ART3: variants seen among roughly 807,000 people sequenced by gnomAD.
ART3 encodes ecto-ADP-ribosyltransferase 3.
A neutral mutation model predicts 48.5 loss-of-function variants in ART3; 49 were observed. That is an observed-to-expected ratio of 1.01 (90% confidence interval 0.80 to 1.28). The LOEUF (loss-of-function observed/expected upper bound fraction) is 1.28, where lower values mean the gene tolerates loss of function less well. ART3 is among the 50% of genes most tolerant of loss of function. The probability of loss-of-function intolerance (pLI) is 0.00; values close to 1 mark genes in which losing one functional copy is unlikely to be tolerated. For missense variants in ART3, 438 were observed against 454.3 expected, an observed-to-expected ratio of 0.96 and a Z score of 0.33; for synonymous variants, 145 against 157.2, an observed-to-expected ratio of 0.92 and a Z score of 0.58.
At chr4:76,069,587 A>C (rs1578403829) in intron 1 of ART3, among the ~76,000 whole-genome samples, 1 of 151,514 alleles carries the variant, frequency 6.6e-6, no homozygotes, top group Admixed American at 6.6e-5. Flanking sequence ...ACACGGTTTC[A>C]CCATGTTAGC....
intron 3 of ART3, among the ~76,000 whole-genome samples, chr4:76,084,783 G>A (rs1723198967): frequency 6.6e-6 from 1 of 152,172 alleles, no homozygotes; most frequent in Non-Finnish European, 1.5e-5. Flanking sequence ...TTGGTAAAGT[G>A]CATCTGAGCT....
chr4:76,034,268 A>G (rs67413521), intron 1 of ART3: 37,862 of 395,954 alleles, frequency 0.096, 2,274 homozygotes, highest in African/African-American at 0.19. Flanking sequence ...CGACACATAG[A>G]TGCTTTTGAC....
At chr4:76,021,239 C>T (rs1450282538) in intron 1 of ART3, 1 of 152,182 alleles carries the variant, frequency 6.6e-6, no homozygotes, top group Non-Finnish European at 1.5e-5. Context: ...TCTTATGTAA[C>T]ATGCAGAGCA....
intron 1 of ART3, chr4:76,023,516 G>A (rs1733084838): frequency 8.1e-7 from 1 of 1,240,566 alleles, no homozygotes; most frequent in East Asian, 2.3e-5. Flanking sequence ...TGGGGCTAGT[G>A]TGCCATATTT....
intron 2 of ART3, among the ~76,000 whole-genome samples, chr4:76,077,861 G>A (rs1721479264): frequency 6.6e-6 from 1 of 152,120 alleles, no homozygotes; most frequent in African/African-American, 2.4e-5. Flanking sequence ...TGTGTTACAT[G>A]TTACTTGGTT....
intron 1 of ART3, among the ~76,000 whole-genome samples, chr4:76,015,431 A>G (rs1439021210): frequency 6.6e-6 from 1 of 152,188 alleles, no homozygotes; most frequent in Non-Finnish European, 1.5e-5. Context: ...ACAGAAAAGA[A>G]AAGAGGGGAC....
intron 1 of ART3, chr4:76,023,463 G>A (rs767339215): frequency 1.3e-6 from 2 of 1,594,736 alleles, no homozygotes; most frequent in Non-Finnish European, 1.7e-6. Context: ...TCTGCTGTAG[G>A]CTCAGAATAT....
intron 3 of ART3, among the ~76,000 whole-genome samples, chr4:76,094,469 T>C (rs1578541828): frequency 6.6e-6 from 1 of 152,256 alleles, no homozygotes; most frequent in South Asian, 2.1e-4. Flanking sequence ...GGTAATTTTA[T>C]ATTTCTAAAA....
At chr4:76,051,691 G>A (rs914875604) in intron 1 of ART3, among the ~76,000 whole-genome samples, 2 of 151,618 alleles carry the variant, frequency 1.3e-5, no homozygotes, top group Non-Finnish European at 2.9e-5. Context: ...GGGCACACAC[G>A]TCCACAGCCA....
At chr4:76,031,822 A>G (rs1219671837) in intron 1 of ART3, among the ~76,000 whole-genome samples, 1 of 152,222 alleles carries the variant, frequency 6.6e-6, no homozygotes, top group African/African-American at 2.4e-5. Context: ...GAGAGCAGAT[A>G]TTAGGCACAG....
At chr4:76,047,560 A>C (rs1480500667) in intron 1 of ART3, among the ~76,000 whole-genome samples, 1 of 151,934 alleles carries the variant, frequency 6.6e-6, no homozygotes, top group Non-Finnish European at 1.5e-5. Flanking sequence ...ATATCATTGA[A>C]TAATTCATGG....
At chr4:76,066,290 G>A (rs180816554) in intron 1 of ART3, among the ~76,000 whole-genome samples, 3 of 152,028 alleles carry the variant, frequency 2.0e-5, no homozygotes, top group Non-Finnish European at 4.4e-5. Flanking sequence ...GAAGAATGAG[G>A]TATGCAGACA....
chr4:76,087,340 A>G (rs921838990), intron 3 of ART3, among the ~76,000 whole-genome samples: 2 of 152,160 alleles, frequency 1.3e-5, no homozygotes, highest in African/African-American at 4.8e-5. Flanking sequence ...GAGTGTGTTG[A>G]TTTAACCCTG....
chr4:76,044,425 A>G (rs1270272509), intron 1 of ART3, among the ~76,000 whole-genome samples: 1 of 152,048 alleles, frequency 6.6e-6, no homozygotes, highest in African/African-American at 2.4e-5. Context: ...TTGTAAAGTA[A>G]GAATAGATTT....
chr4:76,101,818 C>T (rs529031722), intron 8 of ART3, among the ~76,000 whole-genome samples: 16 of 152,180 alleles, frequency 1.1e-4, no homozygotes, highest in South Asian at 1.0e-3. Context: ...AAATTACTGG[C>T]GAGATTATAA....
intron 1 of ART3, among the ~76,000 whole-genome samples, chr4:76,018,901 C>T (rs370578820): frequency 2.1e-4 from 32 of 151,836 alleles, no homozygotes; most frequent in East Asian, 1.9e-3. Context: ...ATTTAGCTGG[C>T]GTGGTGGCAC....
intron 1 of ART3, chr4:76,034,819 G>A: frequency 6.4e-7 from 1 of 1,553,438 alleles, no homozygotes; most frequent in Non-Finnish European, 8.9e-7. Context: ...TCAACTTTCT[G>A]GAATAAGAAA....
At chr4:76,070,320 A>G (rs999106960), upstream of ART3, among the ~76,000 whole-genome samples, 1 of 152,226 alleles carries the variant, frequency 6.6e-6, no homozygotes, top group African/African-American at 2.4e-5. Context: ...AATGTATGAA[A>G]GTTTCAGTAG....
At chr4:76,015,052 T>C (rs1163564794) in intron 1 of ART3, among the ~76,000 whole-genome samples, 1 of 152,122 alleles carries the variant, frequency 6.6e-6, no homozygotes, top group Non-Finnish European at 1.5e-5. Flanking sequence ...ACACAACATA[T>C]TGAAGGCAGT....
Sources: gnomAD v4.1 joint callset for allele counts (sites outside exome capture counted in the v4.1 genomes callset) on GRCh38, gnomAD v4.1.1 for gene constraint, MANE v1.5 for transcripts, NCBI Gene and HGNC (gene_info 2026-07-23, HGNC 2026-07-21) for gene names.